The following SPICE1 variants were observed in gnomAD, a reference collection of about 807,000 sequenced individuals.
The protein encoded by SPICE1 is spindle and centriole associated protein 1, also known as spindle and centriole-associated protein 1.
Under a neutral mutation model 102.7 loss-of-function variants are expected in SPICE1, and 75 were observed. That is an observed-to-expected ratio of 0.73 (90% CI 0.61 to 0.88). SPICE1 has a LOEUF of 0.88. Among genes scored for constraint, SPICE1 ranks in the 40% least tolerant of loss-of-function variants. The probability of loss-of-function intolerance (pLI) is 0.00; values close to 1 mark genes in which losing one functional copy is unlikely to be tolerated. For missense variants in SPICE1, 979 were observed against 1,020.1 expected (o/e 0.96, Z 0.55); for synonymous variants, 308 against 350.3 (o/e 0.88, Z 1.35).
rs553791976 is a variant in SPICE1 at position 113,474,975 on chromosome 3, A to T, written c.612-5737T>A. Among the ~76,000 whole-genome samples the T allele has an allele frequency of 4.4e-4, 67 of 152,354 alleles. 1 individual carries two copies. Among genetic ancestry groups the T allele is most frequent in the African/African-American group, 1.6e-3 (65 of 41,586 alleles). On this transcript the variant is annotated intron_variant, in intron 7 of 17. Transcript: ENST00000295872. ...AACAGAGACACAAAAAAACCCTTCA[A>T]AAAAGTAATGAATCCAGGAGCTGGC...
intron 2 of SPICE1, among the ~76,000 whole-genome samples, chr3:113,505,859 T>C (rs1296946310): frequency 6.6e-6 from 1 of 152,044 alleles, no homozygotes; most frequent in Non-Finnish European, 1.5e-5. Context: ...TGAGCTATGA[T>C]GGCATCACAT....
intron 7 of SPICE1, among the ~76,000 whole-genome samples, chr3:113,479,023 G>A (rs1936427155): frequency 6.6e-6 from 1 of 151,894 alleles, no homozygotes. Context: ...TGTGCACAAT[G>A]TGCAAGTTAG....
chr3:113,457,318 A>T lies in SPICE1; in HGVS notation c.1475T>A (p.Met492Lys). ...VVNANVSVPL[M>K]FREEVAEFPQ... ...GAATTCAGCCACTTCCTCTCTGAAC[A>T]TCAATGGCACTGAGACATTGGCATT... The change falls in exon 13 of 18, where the codon ATG (methionine) becomes AAG (lysine). Residue 492 changes from methionine (M) to lysine (K), a missense_variant. By Grantham distance (95) the Met-to-Lys change is moderately conservative. Transcript: ENST00000295872. The T allele has an allele frequency of 6.2e-7, 1 of 1,614,226 alleles. No individual in the cohort carries two copies. Among genetic ancestry groups the T allele is most frequent in the Non-Finnish European group, 8.5e-7 (1 of 1,180,036 alleles).
chr3:113,483,852 T>A (rs566919021), intron 7 of SPICE1, among the ~76,000 whole-genome samples: 2 of 152,188 alleles, frequency 1.3e-5, no homozygotes, highest in Non-Finnish European at 2.9e-5. Flanking sequence ...TTTTGTTGTG[T>A]CTCTGCCAGG....
chr3:113,480,722 A>G (rs1559967933), intron 7 of SPICE1, among the ~76,000 whole-genome samples: 1 of 151,474 alleles, frequency 6.6e-6, no homozygotes, highest in Non-Finnish European at 1.5e-5. Flanking sequence ...GCATTGTTTA[A>G]AAAAAAATGT....
intron 10 of SPICE1, among the ~76,000 whole-genome samples, chr3:113,466,859 C>A (rs1187166585): frequency 1.3e-5 from 2 of 152,082 alleles, no homozygotes; most frequent in Non-Finnish European, 2.9e-5. Context: ...CCAGCCTGGG[C>A]AACATAGTGA....
chr3:113,484,144 AT>A, intron 7 of SPICE1, among the ~76,000 whole-genome samples: 1 of 152,062 alleles, frequency 6.6e-6, no homozygotes, highest in Non-Finnish European at 1.5e-5. Flanking sequence ...TTTCTTCTAG[AT>A]TTTATCCATT....
chr3:113,451,424 T>A (rs1174154123), intron 14 of SPICE1, among the ~76,000 whole-genome samples: 1 of 152,060 alleles, frequency 6.6e-6, no homozygotes, highest in Admixed American at 6.6e-5. Flanking sequence ...AAAAAAATAA[T>A]CCCTAATAAA....
intron 12 of SPICE1, among the ~76,000 whole-genome samples, chr3:113,458,273 G>T (rs1265829607): frequency 6.6e-6 from 1 of 152,056 alleles, no homozygotes; most frequent in Non-Finnish European, 1.5e-5. Flanking sequence ...GCCGAGGCTG[G>T]ACTGTACTGC....
intron 7 of SPICE1, among the ~76,000 whole-genome samples, chr3:113,482,832 G>A (rs1278349635): frequency 6.6e-6 from 1 of 152,168 alleles, no homozygotes; most frequent in Non-Finnish European, 1.5e-5. Flanking sequence ...TTGAATTCAG[G>A]TAGTGTGATG....
rs529098949 is a variant in SPICE1, at chr3:113,471,605, T to C, written c.612-2367A>G. On this transcript the variant is annotated intron_variant, in intron 7 of 17. Coordinates refer to ENST00000295872, the MANE Select transcript of SPICE1 (RefSeq NM_144718.4). ...TTTAAGCCACCAAACTTGTGGGATA[T>C]TTAATATACTTAATTGTAGCTATAA... Among the ~76,000 whole-genome samples the C allele has an allele frequency of 1.1e-4, 16 of 152,298 alleles. No individual in the cohort carries two copies. In the East Asian group the frequency reaches 3.1e-3, roughly 29 times the overall value.
chr3:113,484,164 AT>A (rs1441780434), intron 7 of SPICE1, among the ~76,000 whole-genome samples: 2 of 152,098 alleles, frequency 1.3e-5, no homozygotes, highest in Non-Finnish European at 2.9e-5. Context: ...TTTCTAGTTT[AT>A]TTGCATAGAG....
At chr3:113,482,450 T>C (rs1301957162) in intron 7 of SPICE1, among the ~76,000 whole-genome samples, 1 of 152,222 alleles carries the variant, frequency 6.6e-6, no homozygotes, top group Non-Finnish European at 1.5e-5. Flanking sequence ...TTGTTGCCGT[T>C]GCTTTTGGAG....
chr3:113,497,838 G>C (rs914966025), intron 4 of SPICE1, among the ~76,000 whole-genome samples: 1 of 149,930 alleles, frequency 6.7e-6, no homozygotes, highest in Non-Finnish European at 1.5e-5. Flanking sequence ...GAGTAGCTGG[G>C]ACTACAGGCA....
intron 5 of SPICE1, among the ~76,000 whole-genome samples, chr3:113,493,599 C>T (rs1230983496): frequency 2.6e-5 from 4 of 152,018 alleles, no homozygotes; most frequent in South Asian, 2.1e-4. Flanking sequence ...ATTGCCAAGC[C>T]GGAATTCAAA....
At chr3:113,484,027 G>A (rs1213463028) in intron 7 of SPICE1, among the ~76,000 whole-genome samples, 1 of 152,086 alleles carries the variant, frequency 6.6e-6, no homozygotes, top group African/African-American at 2.4e-5. Flanking sequence ...TTGGTTGGTA[G>A]GCTATTAATT....
intron 7 of SPICE1, among the ~76,000 whole-genome samples, chr3:113,478,138 AC>A (rs1174550448): frequency 6.6e-6 from 1 of 151,998 alleles, no homozygotes; most frequent in Non-Finnish European, 1.5e-5. Context: ...CAGAGAAGAA[AC>A]ATCACATAGA....
At chr3:113,499,271 C>A in intron 4 of SPICE1, 168 bp downstream of exon 4, 1 of 625,354 alleles carries the variant, frequency 1.6e-6, no homozygotes, top group Non-Finnish European at 2.5e-6. Context: ...ACCACCAAAC[C>A]AGACTCCAGT....
intron 1 of SPICE1, among the ~76,000 whole-genome samples, chr3:113,508,814 A>C (rs1423845923): frequency 6.6e-6 from 1 of 152,242 alleles, no homozygotes; most frequent in Non-Finnish European, 1.5e-5. Flanking sequence ...ATAAAAGGTC[A>C]CAGCAGCATT....
Sources: gnomAD v4.1 joint callset for allele counts (sites outside exome capture counted in the v4.1 genomes callset) on GRCh38, gnomAD v4.1.1 for gene constraint, MANE v1.5 for transcripts, NCBI Gene and HGNC (gene_info 2026-07-23, HGNC 2026-07-21) for gene names.